The following MAP3K4 variants were observed in gnomAD, a reference collection of about 807,000 sequenced individuals.
MAP3K4 encodes the protein mitogen-activated protein kinase kinase kinase 4.
A neutral mutation model predicts 185.6 loss-of-function variants in MAP3K4; 67 were observed. The observed-to-expected ratio is 0.36, with a 90% confidence interval of 0.30 to 0.44. MAP3K4 has a LOEUF of 0.44. MAP3K4 is among the 20% of genes least tolerant of loss of function. The probability of loss-of-function intolerance (pLI) is 1.00; values close to 1 mark genes in which losing one functional copy is unlikely to be tolerated. For synonymous variants in MAP3K4, 702 were observed against 710.4 expected, an observed-to-expected ratio of 0.99 and a Z score of 0.19; for missense variants, 1,551 against 1,995.1, an observed-to-expected ratio of 0.78 and a Z score of 4.24.
At chr6:160,993,745 A>AC (rs1451875957) in intron 1 of MAP3K4, among the ~76,000 whole-genome samples, 1 of 152,252 alleles carries the variant, frequency 6.6e-6, no homozygotes, top group Non-Finnish European at 1.5e-5. Flanking sequence ...TAAAAAAAAA[A>AC]AAAAACTTGA....
rs1367252384 is a variant in MAP3K4 at position 161,076,299 on chromosome 6, A to T, written c.2097+2687A>T. 6.6e-6 allele frequency among the ~76,000 whole-genome samples: 1 copy of T among 152,180 alleles called. No individual in the cohort carries two copies. Among genetic ancestry groups the T allele is most frequent in the African/African-American group, 2.4e-5 (1 of 41,440 alleles). Reference sequence around the variant, plus strand: ...GACTGAAGAGCTGCCCGACAGAAGGAGCGCGAGCTATACCGCAGCCTTCTC... The same window carrying T: ...GACTGAAGAGCTGCCCGACAGAAGGTGCGCGAGCTATACCGCAGCCTTCTC... On this transcript the variant is annotated intron_variant, in intron 5 of 26. Transcript: ENST00000392142. This position sits in a 1 kb window ranked among gnomAD's most constrained non-coding sequence, Gnocchi z 4.2.
Position 161,098,546 on chromosome 6 carries a change from T to C in MAP3K4, c.3674+119T>C. ...GGGCTTCTTTGCTGTGGCGTGTGAG[T>C]GATGCTCTAGGGCCTTCCGCAGGTT... On this transcript the variant is annotated intron_variant, in intron 17 of 26. Transcript: ENST00000392142. This position sits in a 1 kb window ranked among gnomAD's most constrained non-coding sequence, Gnocchi z 4.4. 7.9e-7 allele frequency: 1 copy of C among 1,269,458 alleles called. No homozygotes were observed. Among genetic ancestry groups the C allele is most frequent in the Non-Finnish European group, 1.1e-6 (1 of 930,840 alleles). The allele number at this position is 1,269,458 out of a possible 1,614,324, so 78.6% of individuals were successfully genotyped here.
chr6:161,034,223 T>TTGCTGAA lies in MAP3K4; in HGVS notation c.153-34_153-28dup, dbSNP rs781442642. The TTGCTGAA allele has an allele frequency of 1.3e-6, 2 of 1,516,142 alleles. No homozygotes were observed. The highest frequency in any genetic ancestry group is 2.5e-5 in the South Asian group (2 of 81,174). 93.9% of individuals were successfully genotyped at this position (1,516,142 alleles called of 1,614,324 possible). ...GTAAATTTGAATTCACTTAACTGTG[T>TTGCTGAA]TGCTGAATATTTTCCCTGCACACTG... On this transcript the variant is annotated intron_variant, in intron 1 of 26. Transcript: ENST00000392142. The surrounding 1 kb of genome is among the most constrained non-coding windows in gnomAD (Gnocchi z 4.4).
At chr6:161,024,919 G>A (rs1423300354) in intron 1 of MAP3K4, among the ~76,000 whole-genome samples, 3 of 151,892 alleles carry the variant, frequency 2.0e-5, no homozygotes, top group African/African-American at 4.8e-5. Context: ...CAGGAGATAC[G>A]TATGTATGTA....
At chr6:161,035,661 A>G (rs537419843) in intron 2 of MAP3K4, among the ~76,000 whole-genome samples, 1 of 152,302 alleles carries the variant, frequency 6.6e-6, no homozygotes, top group South Asian at 2.1e-4. Context: ...GCAATTTGTC[A>G]TCTTGAAAAT....
chr6:161,020,135 A>G (rs79798254), intron 1 of MAP3K4, among the ~76,000 whole-genome samples: 3 of 152,334 alleles, frequency 2.0e-5, no homozygotes, highest in Non-Finnish European at 4.4e-5. Flanking sequence ...TAGGTGTTGA[A>G]TACATGTCAC....
chr6:161,098,229 C>A lies in MAP3K4; in HGVS notation c.3525-49C>A. ...TTTTAATTGAAAACAATTTTCAAGT[C>A]CGTTCCCTCTTCTCACATGTGTTCC... is the stretch of plus-strand genomic sequence containing the variant. On this transcript the variant is annotated intron_variant, in intron 16 of 26. Transcript: ENST00000392142. The surrounding 1 kb of genome is among the most constrained non-coding windows in gnomAD (Gnocchi z 4.4). 6.5e-7 allele frequency: 1 copy of A among 1,527,972 alleles called. No individual in the cohort carries two copies. Among genetic ancestry groups the A allele is most frequent in the Non-Finnish European group, 8.8e-7 (1 of 1,131,828 alleles). 94.7% of individuals were successfully genotyped at this position (1,527,972 alleles called of 1,614,324 possible).
chr6:161,087,543 T>C lies in MAP3K4; in HGVS notation c.2557-145T>C, dbSNP rs1785792470. The stretch of plus-strand genomic sequence containing the variant: ...CTCCTTCAGTCACACTGAAGCCGGC[T>C]ACCTGCAGTTCCCTCACTGCTCCAA... On this transcript the variant is annotated intron_variant, in intron 9 of 26. Transcript: ENST00000392142. This position sits in a 1 kb window ranked among gnomAD's most constrained non-coding sequence, Gnocchi z 4.9. The C allele has an allele frequency of 1.3e-6, 1 of 766,434 alleles. No individual in the cohort carries two copies. 47.5% of individuals were successfully genotyped at this position (766,434 alleles called of 1,614,324 possible).
rs963260228 is a variant in MAP3K4 at position 161,113,790 on chromosome 6, C to CTTTTTTTTTTTT, written c.4626+1030_4626+1041dup. 7.0e-5 allele frequency among the ~76,000 whole-genome samples: 5 copies of CTTTTTTTTTTTT among 71,076 alleles called. 1 individual carries two copies. The highest frequency in any genetic ancestry group is 4.9e-4 in the East Asian group (1 of 2,050). 46.6% of individuals were successfully genotyped at this position (71,076 alleles called of 152,430 possible). On this transcript the variant is annotated intron_variant, in intron 25 of 26. Transcript: ENST00000392142. ...TTTTTTTTACTTAGCATATGAGTGA[C>CTTTTTTTTTTTT]TTTTTTTTTTTTTTTTTTTTTTTTT...
rs1777282730 is a variant in MAP3K4, at chr6:161,091,083, C to T, written c.2974-296C>T. Among the ~76,000 whole-genome samples, 1 of 152,006 alleles carries T rather than the reference C, an allele frequency of 6.6e-6. No homozygotes were observed. The highest frequency in any genetic ancestry group is 1.9e-4 in the East Asian group (1 of 5,184). Reference sequence around the variant, plus strand: ...CCGTACTTATGGTTGAGCAACCGTCCAGGAGGAGAAAACAACAGGTGGTTG... The same window carrying T: ...CCGTACTTATGGTTGAGCAACCGTCTAGGAGGAGAAAACAACAGGTGGTTG... On this transcript the variant is annotated intron_variant, in intron 11 of 26. Coordinates refer to ENST00000392142, the MANE Select transcript of MAP3K4 (RefSeq NM_005922.4). The surrounding 1 kb of genome is among the most constrained non-coding windows in gnomAD (Gnocchi z 5.5).
chr6:161,099,128 T>A (rs1777715880), intron 17 of MAP3K4, among the ~76,000 whole-genome samples: 1 of 152,214 alleles, frequency 6.6e-6, no homozygotes, highest in African/African-American at 2.4e-5. Context: ...TTCACACTTG[T>A]ACCTAAGTAG....
At chr6:161,111,810 G>T in intron 23 of MAP3K4, 26 bp from the exon 24 acceptor site, 1 of 1,550,568 alleles carries the variant, frequency 6.4e-7, no homozygotes. Flanking sequence ...CAGAGGCTGC[G>T]TAACAACTAC....
At position 161,051,121 on chromosome 6, in the gene MAP3K4, G is replaced by T. The variant is rs1293197318; in HGVS notation, c.1707+1142G>T. Among the ~76,000 whole-genome samples, 1 of 152,234 alleles carries T rather than the reference G, an allele frequency of 6.6e-6. No homozygotes were observed. The highest frequency in any genetic ancestry group is 1.5e-5 in the Non-Finnish European group (1 of 68,044). Reference sequence around the variant, plus strand: ...AATGGCAAGAAAAAAGTTTGTACATGTTTAATACAGATGTAGTTTTTCTTC... The same window carrying T: ...AATGGCAAGAAAAAAGTTTGTACATTTTTAATACAGATGTAGTTTTTCTTC... On this transcript the variant is annotated intron_variant, in intron 3 of 26. Transcript: ENST00000392142. The surrounding 1 kb of genome is among the most constrained non-coding windows in gnomAD (Gnocchi z 4.2).
At position 161,108,703 on chromosome 6, in the gene MAP3K4, A is replaced by T; in HGVS notation, c.4120-40A>T. 1 of 1,146,032 alleles carries T rather than the reference A, an allele frequency of 8.7e-7. No individual in the cohort carries two copies. The highest frequency in any genetic ancestry group is 1.3e-6 in the Non-Finnish European group (1 of 752,598). 71.0% of individuals were successfully genotyped at this position (1,146,032 alleles called of 1,614,324 possible). A position where few individuals can be genotyped will look rare whatever the true frequency, so the allele number is the denominator to read the frequency against. ...TGTATGTGTATAATGTAGAGTGATT[A>T]AATCAAGCCAGTTAACATTTTTGTC... On this transcript the variant is annotated intron_variant, in intron 21 of 26. Transcript: ENST00000392142. This position sits in a 1 kb window ranked among gnomAD's most constrained non-coding sequence, Gnocchi z 5.7.
chr6:161,027,989 G>A (rs1190464371), intron 1 of MAP3K4, among the ~76,000 whole-genome samples: 1 of 152,188 alleles, frequency 6.6e-6, no homozygotes, highest in Admixed American at 6.5e-5. Context: ...CCTAAGTTGG[G>A]CTCCTTACCT....
In MAP3K4 at chr6:161,053,825, C is replaced by T. The variant is rs1197781869; in HGVS notation, c.1707+3846C>T. The stretch of plus-strand genomic sequence containing the variant: ...GCCAGGCTAGTCTTGAACTCCTGAC[C>T]CCAAATGATCCACCTGCCTCCGCCT... On this transcript the variant is annotated intron_variant, in intron 3 of 26. Transcript: ENST00000392142. The surrounding 1 kb of genome is among the most constrained non-coding windows in gnomAD (Gnocchi z 4.2). Among the ~76,000 whole-genome samples the T allele has an allele frequency of 2.0e-5, 3 of 152,028 alleles. No homozygotes were observed. Among genetic ancestry groups the T allele is most frequent in the Non-Finnish European group, 2.9e-5 (2 of 68,014 alleles).
At chr6:161,001,446 G>T (rs972344738) in intron 1 of MAP3K4, among the ~76,000 whole-genome samples, 1 of 151,756 alleles carries the variant, frequency 6.6e-6, no homozygotes, top group Admixed American at 6.6e-5. Flanking sequence ...CATTTCCCCC[G>T]CTTCCCCCCA....
At position 161,089,378 on chromosome 6, in the gene MAP3K4, A is replaced by G. The variant is rs762662855; in HGVS notation, c.2880A>G (p.Lys960=). 4 of 1,614,072 alleles carry G rather than the reference A, an allele frequency of 2.5e-6. No individual in the cohort carries two copies. In the East Asian group the frequency reaches 6.7e-5, roughly 27 times the overall value. Residue 960 remains lysine (K), a synonymous_variant, in exon 11 of 27, where the codon AAA becomes AAG. Coordinates refer to ENST00000392142, the MANE Select transcript of MAP3K4 (RefSeq NM_005922.4). ...MQSAHLTIQR[K]AFQQSIEGLM... ...CTGCGCATCTCACAATTCAGAGAAA[A>G]GCTTTCCAGCAGTCCATTGAGGGAC... is the stretch of plus-strand genomic sequence containing the variant.
At chr6:161,030,275 T>C (rs1315612978) in intron 1 of MAP3K4, among the ~76,000 whole-genome samples, 2 of 152,156 alleles carry the variant, frequency 1.3e-5, no homozygotes, top group African/African-American at 4.8e-5. Flanking sequence ...TGTTGCTGTG[T>C]CTTCAAGTTC....
Sources: gnomAD v4.1 joint callset for allele counts (sites outside exome capture counted in the v4.1 genomes callset) on GRCh38, gnomAD v4.1.1 for gene constraint, Gnocchi (gnomAD v3.1) non-coding constraint, MANE v1.5 for transcripts, NCBI Gene and HGNC (gene_info 2026-07-23, HGNC 2026-07-21) for gene names.